Variants in CFAP90 observed in about 807,000 individuals in gnomAD.
CFAP90 encodes the protein cilia and flagella associated protein 90, also known as cilia- and flagella-associated protein 90.
chr5:7,836,588 G>A, the CFAP90 span, among the ~76,000 whole-genome samples: 1 of 152,196 alleles, frequency 6.6e-6, no homozygotes, highest in African/African-American at 2.4e-5. Context: ...TAGGGAGGTA[G>A]TAAGTTATTT....
At chr5:7,833,372 TAC>T in the CFAP90 span, among the ~76,000 whole-genome samples, 6 of 133,332 alleles carry the variant, frequency 4.5e-5, no homozygotes, top group African/African-American at 1.3e-4. Context: ...CACACATATA[TAC>T]ACACATAATA....
At chr5:7,847,508 G>A in the CFAP90 span, among the ~76,000 whole-genome samples, 2 of 152,028 alleles carry the variant, frequency 1.3e-5, no homozygotes. Flanking sequence ...CAGGTCACAT[G>A]GTCTCTGCCA....
the CFAP90 span, among the ~76,000 whole-genome samples, chr5:7,837,108 T>C: frequency 1.3e-5 from 2 of 152,168 alleles, no homozygotes; most frequent in Non-Finnish European, 2.9e-5. Context: ...TTAATATACA[T>C]GTATATATCA....
chr5:7,831,344 A>G, the CFAP90 span: 1 of 153,096 alleles, frequency 6.5e-6, no homozygotes, highest in African/African-American at 2.4e-5. Context: ...GTGCCAAAAG[A>G]CAATTGTCAT....
the CFAP90 span, among the ~76,000 whole-genome samples, chr5:7,848,732 T>G: frequency 6.6e-6 from 1 of 152,214 alleles, no homozygotes; most frequent in Non-Finnish European, 1.5e-5. Flanking sequence ...ATGGGGGCAG[T>G]TCCTCCCATC....
At chr5:7,839,662 G>T in the CFAP90 span, among the ~76,000 whole-genome samples, 1 of 152,274 alleles carries the variant, frequency 6.6e-6, no homozygotes, top group African/African-American at 2.4e-5. Flanking sequence ...ACCACTATGA[G>T]CAGCCATGCC....
the CFAP90 span, chr5:7,835,423 T>C: frequency 6.2e-7 from 1 of 1,607,636 alleles, no homozygotes; most frequent in African/African-American, 1.3e-5. Context: ...GCATGTTCTC[T>C]GTCATCTCGG....
At chr5:7,849,067 C>T in the CFAP90 span, among the ~76,000 whole-genome samples, 1 of 152,218 alleles carries the variant, frequency 6.6e-6, no homozygotes. Flanking sequence ...AGGGCTCATC[C>T]TAGTGGCCTC....
At chr5:7,847,242 C>T in the CFAP90 span, among the ~76,000 whole-genome samples, 8 of 152,154 alleles carry the variant, frequency 5.3e-5, no homozygotes, top group South Asian at 2.1e-4. Flanking sequence ...CTTGTTGTTT[C>T]GAGGCTGTTT....
chr5:7,833,277 GCA>G, the CFAP90 span, among the ~76,000 whole-genome samples: 786 of 151,858 alleles, frequency 5.2e-3, 6 homozygotes, highest in African/African-American at 0.018. Context: ...ATGTGTATAT[GCA>G]CACACACATG....
the CFAP90 span, among the ~76,000 whole-genome samples, chr5:7,847,294 C>T: frequency 3.3e-5 from 5 of 152,108 alleles, no homozygotes; most frequent in Admixed American, 6.6e-5. Flanking sequence ...TTTTCTTTTG[C>T]GTGGTACTAA....
At chr5:7,838,000 G>A in the CFAP90 span, among the ~76,000 whole-genome samples, 1 of 152,104 alleles carries the variant, frequency 6.6e-6, no homozygotes, top group African/African-American at 2.4e-5. Flanking sequence ...TCAACTTCTG[G>A]ATGTGTTCAT....
the CFAP90 span, among the ~76,000 whole-genome samples, chr5:7,843,802 G>C: frequency 6.6e-6 from 1 of 152,116 alleles, no homozygotes; most frequent in Admixed American, 6.5e-5. Flanking sequence ...CCTTAAAACG[G>C]GGTGATTTTG....
the CFAP90 span, among the ~76,000 whole-genome samples, chr5:7,839,199 C>T: frequency 2.0e-5 from 3 of 152,204 alleles, no homozygotes; most frequent in African/African-American, 7.2e-5. Context: ...ATAATTCAAT[C>T]ACCTTGTACT....
the CFAP90 span, among the ~76,000 whole-genome samples, chr5:7,837,208 C>T: frequency 6.6e-6 from 1 of 152,026 alleles, no homozygotes; most frequent in African/African-American, 2.4e-5. Context: ...TCCATTTTAT[C>T]ATCCCAACTT....
chr5:7,846,323 CA>C, the CFAP90 span, among the ~76,000 whole-genome samples: 6 of 152,166 alleles, frequency 3.9e-5, no homozygotes, highest in Non-Finnish European at 8.8e-5. Flanking sequence ...ATGGTCCTAT[CA>C]GGCTGCTATA....
At chr5:7,833,149 C>A in the CFAP90 span, among the ~76,000 whole-genome samples, 2 of 152,098 alleles carry the variant, frequency 1.3e-5, no homozygotes, top group African/African-American at 2.4e-5. Flanking sequence ...AATGACATGA[C>A]TGAATAGAGG....
chr5:7,850,932 G>A, the CFAP90 span: 7 of 1,355,884 alleles, frequency 5.2e-6, no homozygotes, highest in Non-Finnish European at 6.7e-6. Flanking sequence ...GCGGCGGGAT[G>A]TAGCTGAAGG....
At chr5:7,845,767 T>C in the CFAP90 span, among the ~76,000 whole-genome samples, 1 of 151,978 alleles carries the variant, frequency 6.6e-6, no homozygotes, top group Non-Finnish European at 1.5e-5. Context: ...TAGGGAGCCG[T>C]ACAGGAGCCG....
Sources: allele counts gnomAD v4.1 joint callset (sites outside exome capture counted in the v4.1 genomes callset), GRCh38; gene constraint gnomAD v4.1.1; transcripts MANE v1.5; gene names NCBI Gene and HGNC (gene_info 2026-07-23, HGNC 2026-07-21).